MAP4K3: variants seen among roughly 807,000 people sequenced by gnomAD.
MAP4K3 encodes the protein MAPK/ERK kinase kinase kinase 3.
MAP4K3 carries 94 observed loss-of-function variants against 143.5 expected under a neutral mutation model. That is an observed-to-expected ratio of 0.65 (90% CI 0.55 to 0.78). The LOEUF (loss-of-function observed/expected upper bound fraction) is 0.78. Among genes scored for constraint, MAP4K3 ranks in the 30% least tolerant of loss-of-function variants. MAP4K3 has a pLI of 0.00. For synonymous variants in MAP4K3, 416 were observed against 347.2 expected, an observed-to-expected ratio of 1.20 and a Z score of -2.20; for missense variants, 1,077 against 1,068.1, an observed-to-expected ratio of 1.01 and a Z score of -0.12.
intron 3 of MAP4K3, 100 bp downstream of exon 3, chr2:39,356,148 AG>A: frequency 1.5e-6 from 1 of 687,414 alleles, no homozygotes; most frequent in Non-Finnish European, 2.4e-6. Flanking sequence ...CAAAGCATGA[AG>A]AAAAACTACA....
At position 39,326,130 on chromosome 2, in the gene MAP4K3, A is replaced by G. The variant is rs3815594; in HGVS notation, c.662+16T>C. The G allele has an allele frequency of 0.88, 1,410,247 of 1,605,066 alleles. 622,474 individuals are homozygous for G. The highest frequency in any genetic ancestry group is 0.9 in the Non-Finnish European group (1,061,005 of 1,176,594). On this transcript the variant is annotated intron_variant, in intron 9 of 33. Coordinates refer to ENST00000263881, the MANE Select transcript of MAP4K3 (RefSeq NM_003618.4). ...AAAACCTTAAGCGTAAGATTCTTCAATGATGATGCACTGACCTCATTGGGT... is the reference window on the plus strand; with the variant it reads ...AAAACCTTAAGCGTAAGATTCTTCAGTGATGATGCACTGACCTCATTGGGT...
In MAP4K3 at chr2:39,261,543, T is replaced by C. The variant is rs1044807758; in HGVS notation, c.2137-766A>G. ...CTCATACAACACTGGTGGTGGGACA[T>C]AGAGTGGCATAGCCAGACTAGTTAA... On this transcript the variant is annotated intron_variant, in intron 28 of 33. Transcript: ENST00000263881. 1.2e-4 allele frequency among the ~76,000 whole-genome samples: 18 copies of C among 152,284 alleles called. 1 individual carries two copies. The South Asian group carries it at 2.3e-3, about 19-fold the overall frequency.
At chr2:39,428,286 C>T (rs1458548993) in intron 1 of MAP4K3, among the ~76,000 whole-genome samples, 1 of 152,176 alleles carries the variant, frequency 6.6e-6, no homozygotes, top group Non-Finnish European at 1.5e-5. Flanking sequence ...AGTGTATTTT[C>T]CTTTAATAAG....
Position 39,413,675 on chromosome 2 carries a change from A to G in MAP4K3, c.96+23217T>C, listed in dbSNP as rs114207239. 5.4e-3 allele frequency among the ~76,000 whole-genome samples: 818 copies of G among 152,044 alleles called. 9 individuals are homozygous for G. The highest frequency in any genetic ancestry group is 0.018 in the African/African-American group (762 of 41,466). Reference sequence around the variant, plus strand: ...ATCAGAAAAAGTTGTAAGAGAAGCAAGACCAGGGTAGAGGTGGGCCCCCTG... The same window carrying G: ...ATCAGAAAAAGTTGTAAGAGAAGCAGGACCAGGGTAGAGGTGGGCCCCCTG... On this transcript the variant is annotated intron_variant, in intron 1 of 33. Coordinates refer to ENST00000263881, the MANE Select transcript of MAP4K3 (RefSeq NM_003618.4).
At chr2:39,283,455 T>A (rs1681625933) in intron 21 of MAP4K3, among the ~76,000 whole-genome samples, 1 of 152,036 alleles carries the variant, frequency 6.6e-6, no homozygotes, top group Non-Finnish European at 1.5e-5. Flanking sequence ...TCTTTTCCCA[T>A]TTTTTTTAAC....
chr2:39,267,075 A>T, intron 27 of MAP4K3, 114 bp downstream of exon 27: 1 of 971,598 alleles, frequency 1.0e-6, no homozygotes, highest in Non-Finnish European at 1.6e-6. Context: ...AATTTGTTCT[A>T]CTTAAGCAGG....
At chr2:39,287,490 A>G (rs2148473824) in intron 20 of MAP4K3, among the ~76,000 whole-genome samples, 1 of 151,776 alleles carries the variant, frequency 6.6e-6, no homozygotes, top group South Asian at 2.1e-4. Flanking sequence ...TTTAGTAGAG[A>G]TGGAGTTTCA....
At chr2:39,430,734 T>A (rs1239790873) in intron 1 of MAP4K3, among the ~76,000 whole-genome samples, 1 of 152,190 alleles carries the variant, frequency 6.6e-6, no homozygotes, top group Non-Finnish European at 1.5e-5. Context: ...CATATGCATA[T>A]AACAATTATG....
intron 1 of MAP4K3, among the ~76,000 whole-genome samples, chr2:39,430,820 A>G (rs923685621): frequency 6.6e-6 from 1 of 152,164 alleles, no homozygotes; most frequent in Non-Finnish European, 1.5e-5. Context: ...CATTACATTT[A>G]ACTCATTCTG....
intron 1 of MAP4K3, among the ~76,000 whole-genome samples, chr2:39,401,085 GC>G (rs1666941553): frequency 2.0e-5 from 3 of 152,138 alleles, no homozygotes; most frequent in Admixed American, 2.0e-4. Flanking sequence ...TCAGTGCAGG[GC>G]AAGGGAACCC....
At chr2:39,290,168 T>C (rs893667752) in intron 19 of MAP4K3, 124 bp downstream of exon 19, 1 of 607,194 alleles carries the variant, frequency 1.6e-6, no homozygotes, top group South Asian at 2.8e-5. Flanking sequence ...AATCATTTAC[T>C]TATATCAACT....
intron 21 of MAP4K3, among the ~76,000 whole-genome samples, chr2:39,284,752 G>A (rs966624348): frequency 6.6e-6 from 1 of 151,668 alleles, no homozygotes. Flanking sequence ...GCTGAGGCAG[G>A]AGAATCACTT....
intron 12 of MAP4K3, among the ~76,000 whole-genome samples, chr2:39,318,706 T>C (rs1683200380): frequency 6.6e-6 from 1 of 152,200 alleles, no homozygotes; most frequent in Non-Finnish European, 1.5e-5. Context: ...ATTACAATTA[T>C]TTTTATTACT....
intron 28 of MAP4K3, among the ~76,000 whole-genome samples, chr2:39,263,703 A>C (rs967595981): frequency 6.6e-6 from 1 of 152,172 alleles, no homozygotes; most frequent in Non-Finnish European, 1.5e-5. Flanking sequence ...ATCTTGAGGG[A>C]GACCTGCAAG....
chr2:39,290,161 C>A, intron 19 of MAP4K3, 131 bp downstream of exon 19: 4 of 529,470 alleles, frequency 7.6e-6, no homozygotes, highest in East Asian at 7.5e-5. Context: ...AATAAAAAAT[C>A]ATTTACTTAT....
chr2:39,361,275 G>C (rs1665762873), intron 2 of MAP4K3, among the ~76,000 whole-genome samples: 1 of 151,540 alleles, frequency 6.6e-6, no homozygotes, highest in Non-Finnish European at 1.5e-5. Context: ...ATACATTATA[G>C]CAACTACCCA....
At position 39,278,409 on chromosome 2, in the gene MAP4K3, G is replaced by A. The variant is rs771606692; in HGVS notation, c.1792C>T (p.Gln598Ter). The A allele has an allele frequency of 6.4e-7, 1 of 1,558,660 alleles. No homozygotes were observed. The highest frequency in any genetic ancestry group is 8.7e-7 in the Non-Finnish European group (1 of 1,143,756). ...LNELHETSMEQLFPRRCTWLY... is the reference protein window; with the variant it reads ...LNELHETSME The stretch of plus-strand genomic sequence containing the variant: ...AAAGAATATACAAAATAACATACCT[G>A]TTCCATTGATGTTTCATGAAGTTCA... The change falls in exon 24 of 34, where the codon CAG becomes TAG. Residue 598 changes from glutamine (Q) to a stop codon, truncating the protein, a stop_gained and splice_region_variant. Transcript: ENST00000263881. LOFTEE classifies it high-confidence loss of function.
intron 15 of MAP4K3, among the ~76,000 whole-genome samples, chr2:39,303,760 C>T (rs945633234): frequency 6.6e-6 from 1 of 152,182 alleles, no homozygotes; most frequent in African/African-American, 2.4e-5. Context: ...TGGTCTCGAA[C>T]TCCTGACCTC....
chr2:39,307,025 T>C (rs1682733987), intron 15 of MAP4K3, among the ~76,000 whole-genome samples: 1 of 152,218 alleles, frequency 6.6e-6, no homozygotes, highest in Admixed American at 6.5e-5. Context: ...AGAAGGGAAA[T>C]TATGTCTAAA....
Sources: allele counts gnomAD v4.1 joint callset (sites outside exome capture counted in the v4.1 genomes callset), GRCh38; gene constraint gnomAD v4.1.1; transcripts MANE v1.5; gene names NCBI Gene and HGNC (gene_info 2026-07-23, HGNC 2026-07-21).